ANKRD26: variants seen among roughly 807,000 people sequenced by gnomAD.
ANKRD26 encodes ankyrin repeat domain-containing protein 26.
Under a neutral mutation model 208.7 loss-of-function variants are expected in ANKRD26, and 141 were observed. That is an observed-to-expected ratio of 0.68 (90% CI 0.59 to 0.78). The LOEUF is 0.78. Among genes scored for constraint, ANKRD26 ranks in the 30% least tolerant of loss-of-function variants. ANKRD26 has a pLI of 0.00. For synonymous variants in ANKRD26, 636 were observed against 660.4 expected, an observed-to-expected ratio of 0.96 and a Z score of 0.57; for missense variants, 1,889 against 1,938.7, an observed-to-expected ratio of 0.97 and a Z score of 0.48.
chr10:27,079,136 C>CAT lies in ANKRD26; in HGVS notation c.764_765dup (p.Asp256MetfsTer24). The CAT allele has an allele frequency of 6.2e-7, 1 of 1,613,818 alleles. No individual in the cohort carries two copies. The highest frequency in any genetic ancestry group is 8.5e-7 in the Non-Finnish European group (1 of 1,179,814). The stretch of plus-strand genomic sequence containing the variant: ...TCGTCATCTGAGGTAGGCCATGAAT[C>CAT]ATCAACACCCGGTTTGCCAGAAAGC... On this transcript the variant is annotated frameshift_variant, in exon 7 of 34. Coordinates refer to ENST00000376087, the MANE Select transcript of ANKRD26 (RefSeq NM_014915.3). LOFTEE classifies it high-confidence loss of function.
At chr10:27,021,926 T>C (rs1008893355) in intron 29 of ANKRD26, among the ~76,000 whole-genome samples, 1 of 152,226 alleles carries the variant, frequency 6.6e-6, no homozygotes, top group African/African-American at 2.4e-5. Flanking sequence ...AAGTTCCTTA[T>C]AGATGCCGGA....
chr10:27,030,373 A>G (rs2053825209), intron 25 of ANKRD26: 1 of 983,842 alleles, frequency 1.0e-6, no homozygotes, highest in African/African-American at 1.7e-5. Flanking sequence ...ACCTCCTGGA[A>G]TAAGTAATAC....
intron 16 of ANKRD26, chr10:27,051,238 T>C: frequency 7.8e-7 from 1 of 1,289,796 alleles, no homozygotes; most frequent in Middle Eastern, 2.1e-4. Flanking sequence ...TCCATGCTTT[T>C]ATAGTTATTA....
At chr10:27,067,421 G>GT (rs111776754) in intron 9 of ANKRD26, 135 bp from the exon 10 acceptor site, 89,034 of 732,106 alleles carry the variant, frequency 0.12, no homozygotes, top group South Asian at 0.18. Flanking sequence ...TGGGGGCATA[G>GT]TTTTTTTTTT....
At chr10:27,082,653 G>T in intron 6 of ANKRD26, 150 bp downstream of exon 6, 2 of 1,157,212 alleles carry the variant, frequency 1.7e-6, no homozygotes, top group South Asian at 1.7e-5. Flanking sequence ...CACACAGTTG[G>T]GTTGTAATAT....
chr10:26,989,423 G>T (rs377324784), downstream of ANKRD26, among the ~76,000 whole-genome samples: 205 of 152,280 alleles, frequency 1.3e-3, no homozygotes, highest in African/African-American at 4.6e-3. Context: ...ATTCCAAAAA[G>T]ATTCACCTTT....
chr10:26,957,789 T>C, the ANKRD26 span, among the ~76,000 whole-genome samples: 8 of 152,286 alleles, frequency 5.3e-5, no homozygotes, highest in African/African-American at 1.9e-4. Context: ...AGGAAATATA[T>C]GAAAAGTGCT....
chr10:27,100,214 G>A lies in ANKRD26; in HGVS notation c.113C>T (p.Pro38Leu). The change falls in exon 1 of 34, where the codon CCC becomes CTC. Residue 38 changes from proline to leucine, a missense_variant. By Grantham distance (98) the Pro-to-Leu change is moderately conservative (BLOSUM62 -3). Coordinates refer to ENST00000376087, the MANE Select transcript of ANKRD26 (RefSeq NM_014915.3). ...GEPGEGAYSQPGYHVRDRDLG... is the reference protein window; with the variant it reads ...GEPGEGAYSQLGYHVRDRDLG... ...ATCTCGGTCTCGGACGTGGTAGCCGGGCTGCGAGTAGGCGCCCTCCCCCGG... is the reference window on the plus strand; with the variant it reads ...ATCTCGGTCTCGGACGTGGTAGCCGAGCTGCGAGTAGGCGCCCTCCCCCGG... 4 of 1,613,422 alleles carry A rather than the reference G, an allele frequency of 2.5e-6. No homozygotes were observed. The highest frequency in any genetic ancestry group is 3.4e-6 in the Non-Finnish European group (4 of 1,179,902).
At chr10:27,075,841 T>A (rs751965027) in intron 9 of ANKRD26, among the ~76,000 whole-genome samples, 2 of 152,210 alleles carry the variant, frequency 1.3e-5, no homozygotes, top group Admixed American at 6.5e-5. Flanking sequence ...AGATAGACCA[T>A]ATGATAGGCC....
At chr10:26,996,807 G>A (rs1019316098) in intron 4 of ANKRD26, among the ~76,000 whole-genome samples, 11 of 152,084 alleles carry the variant, frequency 7.2e-5, no homozygotes, top group Admixed American at 2.0e-4. Context: ...CCACTTCTGG[G>A]GTTACAGGAA....
At chr10:27,074,414 C>T (rs753403608) in intron 9 of ANKRD26, among the ~76,000 whole-genome samples, 7 of 152,194 alleles carry the variant, frequency 4.6e-5, no homozygotes, top group Non-Finnish European at 5.9e-5. Flanking sequence ...GGCATGGTGG[C>T]TCACGGCTGC....
chr10:26,955,181 C>T, the ANKRD26 span, among the ~76,000 whole-genome samples: 1 of 151,908 alleles, frequency 6.6e-6, no homozygotes, highest in Non-Finnish European at 1.5e-5. Flanking sequence ...ATAATCCCAG[C>T]ACTTTGGGAG....
downstream of ANKRD26, among the ~76,000 whole-genome samples, chr10:26,969,156 G>A (rs980304142): frequency 1.3e-5 from 2 of 152,102 alleles, no homozygotes; most frequent in African/African-American, 4.8e-5. Context: ...ATCCACTAGG[G>A]TCAATGAAGT....
At chr10:27,090,536 AG>A (rs2056266799) in intron 4 of ANKRD26, among the ~76,000 whole-genome samples, 1 of 152,188 alleles carries the variant, frequency 6.6e-6, no homozygotes, top group Admixed American at 6.5e-5. Flanking sequence ...ATCTACTAAT[AG>A]ACATAAGCAT....
chr10:27,064,125 G>GA (rs749381217), intron 11 of ANKRD26, 44 bp from the exon 12 acceptor site: 3 of 1,323,404 alleles, frequency 2.3e-6, no homozygotes, highest in Middle Eastern at 2.0e-4. Flanking sequence ...TTTACAAAAA[G>GA]AATGAATTGC....
At chr10:27,082,555 T>C (rs1012557389) in intron 6 of ANKRD26, among the ~76,000 whole-genome samples, 14 of 152,178 alleles carry the variant, frequency 9.2e-5, no homozygotes, top group Non-Finnish European at 1.8e-4. Flanking sequence ...GAGAAGGGAT[T>C]TGGGAGCCAA....
In ANKRD26 at chr10:27,098,339, A is replaced by T. The variant is rs1589388319; in HGVS notation, c.242+1746T>A. 7.2e-5 allele frequency among the ~76,000 whole-genome samples: 11 copies of T among 152,126 alleles called. 4 individuals carry two copies. The highest frequency in any genetic ancestry group is 7.2e-4 in the Admixed American group (11 of 15,270). ...ATCCCCTTTACTTCTGAAAAGGATA[A>T]AAGTTGTCAGACGATAGCAATCCAC... is the stretch of plus-strand genomic sequence containing the variant. On this transcript the variant is annotated intron_variant, in intron 1 of 33. Transcript: ENST00000376087.
chr10:27,080,005 G>T (rs549604961), intron 6 of ANKRD26: 2 of 361,214 alleles, frequency 5.5e-6, no homozygotes, highest in South Asian at 4.0e-5. Context: ...AAAATACAAA[G>T]AATTAGCTGG....
chr10:26,994,052 C>T (rs901441918), intron 5 of ANKRD26, among the ~76,000 whole-genome samples: 3 of 152,196 alleles, frequency 2.0e-5, no homozygotes, highest in African/African-American at 7.2e-5. Context: ...ATCTCTAGGA[C>T]AATCATTGTA....
Sources: allele counts gnomAD v4.1 joint callset (sites outside exome capture counted in the v4.1 genomes callset), GRCh38; gene constraint gnomAD v4.1.1; transcripts MANE v1.5; gene names NCBI Gene and HGNC (gene_info 2026-07-23, HGNC 2026-07-21).